SERPINA4: variants seen among roughly 807,000 people sequenced by gnomAD.
SERPINA4 encodes kallistatin.
In SERPINA4, 24 loss-of-function variants were observed where a neutral mutation model predicts 25.4. The ratio of observed to expected loss-of-function variants is 0.95; its 90% confidence interval spans 0.69 to 1.33. The LOEUF (loss-of-function observed/expected upper bound fraction) is 1.33. Among genes scored for constraint, SERPINA4 ranks in the 40% most tolerant of loss-of-function variants. The pLI, the probability that SERPINA4 is intolerant of heterozygous loss-of-function variation, is 0.00. For missense variants in SERPINA4, 553 were observed against 535.8 expected, an observed-to-expected ratio of 1.03 and a Z score of -0.32; for synonymous variants, 242 against 223.6, an observed-to-expected ratio of 1.08 and a Z score of -0.73.
chr14:94,569,740 C>A lies in SERPINA4; in HGVS notation c.*145C>A. 1.2e-6 allele frequency: 1 copy of A among 815,000 alleles called. No individual in the cohort carries two copies. The highest frequency in any genetic ancestry group is 1.9e-6 in the Non-Finnish European group (1 of 518,124). 50.5% of individuals were successfully genotyped at this position (815,000 alleles called of 1,614,324 possible). A position where few individuals can be genotyped will look rare whatever the true frequency, so the allele number is the denominator to read the frequency against. On this transcript the variant is annotated 3_prime_UTR_variant, in exon 5 of 5. Coordinates refer to ENST00000557004, the MANE Select transcript of SERPINA4 (RefSeq NM_006215.4). ...ACAGCAGGTGCTGGCCGGTGGGGAGCGGGGAGGGGCACTGAGATGGGCAGG... is the reference window on the plus strand; with the variant it reads ...ACAGCAGGTGCTGGCCGGTGGGGAGAGGGGAGGGGCACTGAGATGGGCAGG...
intron 1 of SERPINA4, among the ~76,000 whole-genome samples, chr14:94,562,906 C>A (rs1902071579): frequency 6.6e-6 from 1 of 152,142 alleles, no homozygotes; most frequent in African/African-American, 2.4e-5. Flanking sequence ...TTCTACTGAC[C>A]TCTACAGGGG....
intron 4 of SERPINA4, among the ~76,000 whole-genome samples, 166 bp from the exon 5 acceptor site, chr14:94,569,229 A>G (rs989736566): frequency 6.6e-6 from 1 of 152,198 alleles, no homozygotes; most frequent in South Asian, 2.1e-4. Flanking sequence ...GGAGGTCTCT[A>G]GCTCAAAAAT....
intron 2 of SERPINA4, among the ~76,000 whole-genome samples, 189 bp from the exon 3 acceptor site, chr14:94,566,781 G>C (rs1049845348): frequency 6.6e-6 from 1 of 152,158 alleles, no homozygotes; most frequent in African/African-American, 2.4e-5. Flanking sequence ...ATTTAAATGA[G>C]GCCTAAAGGA....
At chr14:94,566,323 C>T (rs776631001) in intron 2 of SERPINA4, among the ~76,000 whole-genome samples, 3 of 152,208 alleles carry the variant, frequency 2.0e-5, no homozygotes, top group South Asian at 2.1e-4. Flanking sequence ...ATTGATATCT[C>T]TACACTGTCC....
chr14:94,566,913 G>A, intron 2 of SERPINA4, 57 bp from the exon 3 acceptor site: 2 of 1,547,546 alleles, frequency 1.3e-6, no homozygotes, highest in Non-Finnish European at 1.7e-6. Flanking sequence ...TCCCTGGCTG[G>A]AGGACTAGCT....
rs767203821 is a variant in SERPINA4 at position 94,564,099 on chromosome 14, T to C, written c.617T>C (p.Leu206Ser). ...GTCAGTGAGCTCAAGAAGGACGTCT[T>C]GATGGTGCTGGTGAATTACATTTAC... ...DLVSELKKDV[L>S]MVLVNYIYFK... The change falls in exon 2 of 5, where the codon TTG becomes TCG. Residue 206 changes from leucine to serine, a missense_variant. Physicochemically the swap from Leu to Ser is moderately radical, Grantham distance 145. Transcript: ENST00000557004. 11 of 1,601,856 alleles carry C rather than the reference T, an allele frequency of 6.9e-6. No homozygotes were observed. Among genetic ancestry groups the C allele is most frequent in the African/African-American group, 4.0e-5 (3 of 74,948 alleles).
Position 94,563,882 on chromosome 14 carries a change from G to T in SERPINA4, c.400G>T (p.Gly134Trp). Reference sequence around the variant, plus strand: ...GCACACTCTCAACCTCCCCGGCCATGGGCTGGAAACACGCGTGGGCAGTGC... The same window carrying T: ...GCACACTCTCAACCTCCCCGGCCATTGGCTGGAAACACGCGTGGGCAGTGC... ...LLHTLNLPGH[G>W]LETRVGSALF... Residue 134 changes from glycine to tryptophan, a missense_variant, in exon 2 of 5, where the codon GGG becomes TGG. Coordinates refer to ENST00000557004, the MANE Select transcript of SERPINA4 (RefSeq NM_006215.4). 1 of 1,614,124 alleles carries T rather than the reference G, an allele frequency of 6.2e-7. No individual in the cohort carries two copies. The highest frequency in any genetic ancestry group is 8.5e-7 in the Non-Finnish European group (1 of 1,180,034).
intron 4 of SERPINA4, among the ~76,000 whole-genome samples, chr14:94,568,820 G>C (rs571182112): frequency 6.7e-6 from 1 of 150,364 alleles, no homozygotes; most frequent in Admixed American, 6.6e-5. Context: ...CCAGAGATCA[G>C]GCCACTGCAC....
Position 94,569,486 on chromosome 14 carries a change from C to T in SERPINA4, c.1175C>T (p.Thr392Ile), listed in dbSNP as rs568753504. The T allele has an allele frequency of 1.1e-4, 180 of 1,614,204 alleles. 3 individuals carry two copies. In the South Asian group the frequency reaches 1.8e-3, roughly 16 times the overall value. Residue 392 changes from threonine to isoleucine, a missense_variant, in exon 5 of 5, where the codon ACC becomes ATC. Physicochemically the swap from Thr to Ile is moderately conservative, Grantham distance 89. Transcript: ENST00000557004. Reference protein sequence around the residue: ...SFAIKFFSAQTNRHILRFNRP... With the variant: ...SFAIKFFSAQINRHILRFNRP... ...GCGATCAAATTCTTCTCTGCCCAGACCAATCGCCACATCCTGCGATTCAAC... is the reference window on the plus strand; with the variant it reads ...GCGATCAAATTCTTCTCTGCCCAGATCAATCGCCACATCCTGCGATTCAAC...
chr14:94,563,402 C>G lies in SERPINA4; in HGVS notation c.-17-64C>G, dbSNP rs1281700019. Reference sequence around the variant, plus strand: ...TCTCCGGGTGCTGGCCCACTGCCAGCCTTCTCAGTAGGGCCAGGTGTTCTT... The same window carrying G: ...TCTCCGGGTGCTGGCCCACTGCCAGGCTTCTCAGTAGGGCCAGGTGTTCTT... On this transcript the variant is annotated intron_variant, in intron 1 of 4. Coordinates refer to ENST00000557004, the MANE Select transcript of SERPINA4 (RefSeq NM_006215.4). The G allele has an allele frequency of 4.6e-6, 7 of 1,506,020 alleles. No homozygotes were observed. The East Asian group carries it at 1.6e-4, about 34-fold the overall frequency. 93.3% of individuals were successfully genotyped at this position (1,506,020 alleles called of 1,614,324 possible). A position where few individuals can be genotyped will look rare whatever the true frequency, so the allele number is the denominator to read the frequency against.
rs1902121311 is a variant in SERPINA4, at chr14:94,563,974, G to A, written c.492G>A (p.Glu164=). The A allele has an allele frequency of 1.2e-6, 2 of 1,614,160 alleles. No individual in the cohort carries two copies. The highest frequency in any genetic ancestry group is 1.7e-6 in the Non-Finnish European group (2 of 1,180,038). Residue 164 remains glutamate, a synonymous_variant, in exon 2 of 5, where the codon GAG becomes GAA. Transcript: ENST00000557004. The part of the protein sequence containing the change: ...KFLNDTMAVY[E]AKLFHTNFYD... The stretch of plus-strand genomic sequence containing the variant: ...TGAATGACACCATGGCCGTCTATGA[G>A]GCTAAACTCTTCCACACCAACTTCT...
At chr14:94,568,439 C>A in intron 4 of SERPINA4, 151 bp downstream of exon 4, 1 of 804,930 alleles carries the variant, frequency 1.2e-6, no homozygotes, top group Non-Finnish European at 1.9e-6. Flanking sequence ...ACCAATCAAC[C>A]AGCCCTGGAC....
rs771726970 is a variant in SERPINA4, at chr14:94,567,001, G to T, written c.681G>T (p.Arg227Ser). The T allele has an allele frequency of 5.6e-6, 9 of 1,613,842 alleles. No homozygotes were observed. The East Asian group carries it at 1.8e-4, about 32-fold the overall frequency. ...ALWEKPFISS[R>S]TTPKDFYVDE... The stretch of plus-strand genomic sequence containing the variant: ...GGGAGAAACCATTCATTTCCTCAAG[G>T]ACCACTCCCAAAGACTTCTATGTTG... Residue 227 changes from arginine to serine, a missense_variant, in exon 3 of 5, where the codon AGG (arginine) becomes AGT (serine). Coordinates refer to ENST00000557004, the MANE Select transcript of SERPINA4 (RefSeq NM_006215.4).
Position 94,569,720 on chromosome 14 carries a change from A to G in SERPINA4, c.*125A>G. ...CGAAGGTCCAGGAGTCCAGGACAGC[A>G]GGTGCTGGCCGGTGGGGAGCGGGGA... On this transcript the variant is annotated 3_prime_UTR_variant, in exon 5 of 5. Coordinates refer to ENST00000557004, the MANE Select transcript of SERPINA4 (RefSeq NM_006215.4). 1 of 1,051,240 alleles carries G rather than the reference A, an allele frequency of 9.5e-7. No individual in the cohort carries two copies. The highest frequency in any genetic ancestry group is 1.4e-6 in the Non-Finnish European group (1 of 717,832). 65.1% of individuals were successfully genotyped at this position (1,051,240 alleles called of 1,614,324 possible). A position where few individuals can be genotyped will look rare whatever the true frequency, so the allele number is the denominator to read the frequency against.
chr14:94,562,359 A>T (rs1429859875), intron 1 of SERPINA4, among the ~76,000 whole-genome samples: 1 of 152,210 alleles, frequency 6.6e-6, no homozygotes, highest in Non-Finnish European at 1.5e-5. Flanking sequence ...AAGAACCTAC[A>T]GGAGAGTCTA....
Position 94,569,892 on chromosome 14 carries a change from A to C in SERPINA4, c.*297A>C. On this transcript the variant is annotated 3_prime_UTR_variant, in exon 5 of 5. Coordinates refer to ENST00000557004, the MANE Select transcript of SERPINA4 (RefSeq NM_006215.4). ...ACAGGCTGGTTGTACCGAGTAAACA[A>C]CACGATGCCATGAAGACCCTGGTTC... The C allele has an allele frequency of 2.3e-6, 1 of 441,432 alleles. No individual in the cohort carries two copies. Among genetic ancestry groups the C allele is most frequent in the East Asian group, 4.5e-5 (1 of 22,410 alleles). The allele number at this position is 441,432 out of a possible 1,614,324, so 27.3% of individuals were successfully genotyped here. A position where few individuals can be genotyped will look rare whatever the true frequency, so the allele number is the denominator to read the frequency against.
chr14:94,562,621 C>A (rs762579392), intron 1 of SERPINA4, among the ~76,000 whole-genome samples: 4 of 151,928 alleles, frequency 2.6e-5, no homozygotes, highest in Non-Finnish European at 4.4e-5. Context: ...AAACAAACAA[C>A]CAAACAAACA....
chr14:94,563,163 C>T (rs2139900221), intron 1 of SERPINA4, among the ~76,000 whole-genome samples: 1 of 152,308 alleles, frequency 6.6e-6, no homozygotes, highest in Middle Eastern at 3.4e-3. Context: ...TGGGAGTCTT[C>T]ATTTCCTGCT....
chr14:94,567,926 T>G (rs1319711818), intron 3 of SERPINA4, among the ~76,000 whole-genome samples: 1 of 152,156 alleles, frequency 6.6e-6, no homozygotes, highest in Admixed American at 6.5e-5. Flanking sequence ...GGACGGGAGA[T>G]CCCACAGACA....
Sources: allele counts gnomAD v4.1 joint callset (sites outside exome capture counted in the v4.1 genomes callset), GRCh38; gene constraint gnomAD v4.1.1; transcripts MANE v1.5; gene names NCBI Gene and HGNC (gene_info 2026-07-23, HGNC 2026-07-21).